ZNF362: variants seen among roughly 807,000 people sequenced by gnomAD.
ZNF362 encodes the protein rotund homolog.
In ZNF362, 11 loss-of-function variants were observed where a neutral mutation model predicts 42.9. The observed-to-expected ratio is 0.26, with a 90% CI of 0.16 to 0.42. The LOEUF (loss-of-function observed/expected upper bound fraction) is 0.42, where lower values mean the gene tolerates loss of function less well. Ranked by LOEUF, ZNF362 falls within the 20% of genes least tolerant of loss-of-function variation. ZNF362 has a pLI of 1.00. For missense variants in ZNF362, 362 were observed against 576.2 expected, an observed-to-expected ratio of 0.63 and a Z score of 3.81; for synonymous variants, 255 against 257.3, an observed-to-expected ratio of 0.99 and a Z score of 0.09.
At chr1:33,226,219 C>G in the ZNF362 span, among the ~76,000 whole-genome samples, 1 of 152,118 alleles carries the variant, frequency 6.6e-6, no homozygotes, top group Non-Finnish European at 1.5e-5. Flanking sequence ...TTAATCCTCA[C>G]CTGTCCAGGA....
the ZNF362 span, among the ~76,000 whole-genome samples, chr1:33,132,170 C>T: frequency 1.1e-4 from 17 of 152,292 alleles, 1 homozygote; most frequent in South Asian, 1.0e-3. Flanking sequence ...ATGGGAAGAA[C>T]GCACTGTGAG....
chr1:33,175,904 T>C, the ZNF362 span, among the ~76,000 whole-genome samples: 2 of 152,206 alleles, frequency 1.3e-5, no homozygotes, highest in East Asian at 3.8e-4. Flanking sequence ...ACCAGGTCTT[T>C]TTTCTTTCTA....
chr1:33,289,624 A>G (rs1283151379), intron 6 of ZNF362, among the ~76,000 whole-genome samples: 1 of 152,220 alleles, frequency 6.6e-6, no homozygotes, highest in Non-Finnish European at 1.5e-5. Context: ...CACCCAGAGC[A>G]TGGAAGTCGC....
At chr1:33,158,424 C>T in the ZNF362 span, 3 of 1,499,764 alleles carry the variant, frequency 2.0e-6, no homozygotes, top group Non-Finnish European at 2.8e-6. Flanking sequence ...TGCCCCAATG[C>T]CAGGGGCCCC....
the ZNF362 span, among the ~76,000 whole-genome samples, chr1:33,199,462 C>CAG: frequency 2.6e-5 from 4 of 152,006 alleles, no homozygotes; most frequent in African/African-American, 7.2e-5. Context: ...TAAATACTTT[C>CAG]TTGGAAATAC....
the ZNF362 span, among the ~76,000 whole-genome samples, chr1:33,186,536 TGGCTCACTC>T: frequency 7.9e-5 from 12 of 151,214 alleles, no homozygotes; most frequent in African/African-American, 2.7e-4. Flanking sequence ...CTGGGTCCAG[TGGCTCACTC>T]CTGTAATCCC....
At chr1:33,286,017 C>G (rs942802144) in intron 6 of ZNF362, among the ~76,000 whole-genome samples, 3 of 152,026 alleles carry the variant, frequency 2.0e-5, no homozygotes, top group African/African-American at 7.2e-5. Flanking sequence ...GAGCTGAGAT[C>G]GCACCACTGC....
At chr1:33,150,156 C>T in the ZNF362 span, among the ~76,000 whole-genome samples, 38 of 152,350 alleles carry the variant, frequency 2.5e-4, 1 homozygote, top group African/African-American at 8.4e-4. Flanking sequence ...TGACCATTTC[C>T]AGGCAACAGC....
chr1:33,158,846 C>CT, the ZNF362 span, among the ~76,000 whole-genome samples: 4,623 of 145,572 alleles, frequency 0.032, 171 homozygotes, highest in Admixed American at 0.12. Context: ...TCTTTTTTTT[C>CT]TTTTTTTTTT....
At chr1:33,201,222 A>G in the ZNF362 span, among the ~76,000 whole-genome samples, 2 of 152,230 alleles carry the variant, frequency 1.3e-5, 1 homozygote, top group Admixed American at 1.3e-4. Context: ...CTTCTATTAG[A>G]AGTTGATAGA....
At position 33,278,691 on chromosome 1, in the gene ZNF362, G is replaced by A. The variant is rs954936425; in HGVS notation, c.350-1433G>A. ...TGCACATATATCTTGTCCAAACTACGTATGTAGTTTGAGTGTGTGTTCTTT... is the reference window on the plus strand; with the variant it reads ...TGCACATATATCTTGTCCAAACTACATATGTAGTTTGAGTGTGTGTTCTTT... On this transcript the variant is annotated intron_variant, in intron 4 of 8. Transcript: ENST00000539719. Among the ~76,000 whole-genome samples, 5 of 152,148 alleles carry A rather than the reference G, an allele frequency of 3.3e-5. No homozygotes were observed. The South Asian group carries it at 6.2e-4, about 19-fold the overall frequency.
chr1:33,289,442 G>A (rs557344891), intron 6 of ZNF362, among the ~76,000 whole-genome samples: 33 of 152,188 alleles, frequency 2.2e-4, no homozygotes, highest in Admixed American at 2.0e-3. Context: ...GAGGCCTGGC[G>A]GAGAGAGGCT....
At chr1:33,128,012 C>G in the ZNF362 span, among the ~76,000 whole-genome samples, 909 of 152,160 alleles carry the variant, frequency 6.0e-3, 10 homozygotes, top group South Asian at 0.014. Context: ...CAGTTTCTGA[C>G]TCTGTAAAAT....
At chr1:33,260,343 A>G (rs1480049450) in intron 1 of ZNF362, among the ~76,000 whole-genome samples, 2 of 152,164 alleles carry the variant, frequency 1.3e-5, no homozygotes, top group African/African-American at 4.8e-5. Context: ...GCCACACACC[A>G]GTTTCATTCT....
chr1:33,234,528 C>A, the ZNF362 span, among the ~76,000 whole-genome samples: 4 of 152,184 alleles, frequency 2.6e-5, no homozygotes, highest in Non-Finnish European at 4.4e-5. Flanking sequence ...GATCCCCCGA[C>A]CATCCAGGGG....
the ZNF362 span, among the ~76,000 whole-genome samples, chr1:33,148,767 T>C: frequency 0.02 from 3,099 of 152,282 alleles, 100 homozygotes; most frequent in African/African-American, 0.07. Context: ...TACACATGAT[T>C]TGTTATGAAA....
chr1:33,197,638 G>A, the ZNF362 span, among the ~76,000 whole-genome samples: 1 of 152,172 alleles, frequency 6.6e-6, no homozygotes, highest in Non-Finnish European at 1.5e-5. Context: ...CCTAGAAAGA[G>A]TTTCCAGGCC....
the ZNF362 span, among the ~76,000 whole-genome samples, chr1:33,219,913 T>TC: frequency 5.9e-5 from 9 of 151,876 alleles, no homozygotes; most frequent in Non-Finnish European, 1.2e-4. Flanking sequence ...CTACCCCAAC[T>TC]CCCCCTAGAT....
At chr1:33,267,230 A>G (rs569812969) in intron 1 of ZNF362, among the ~76,000 whole-genome samples, 5 of 152,340 alleles carry the variant, frequency 3.3e-5, no homozygotes, top group Admixed American at 2.0e-4. Flanking sequence ...AAAAAGTCAC[A>G]TAAGAATACT....
Sources: gnomAD v4.1 joint callset for allele counts (sites outside exome capture counted in the v4.1 genomes callset) on GRCh38, gnomAD v4.1.1 for gene constraint, MANE v1.5 for transcripts, NCBI Gene and HGNC (gene_info 2026-07-23, HGNC 2026-07-21) for gene names.